RRBP1: variants seen among roughly 807,000 people sequenced by gnomAD.
RRBP1 encodes the protein ribosome-binding protein 1.
In RRBP1, 94 loss-of-function variants were observed where a neutral mutation model predicts 165.2. The ratio of observed to expected loss-of-function variants is 0.57; its 90% CI spans 0.48 to 0.68. The LOEUF is 0.68. Ranked by LOEUF, RRBP1 falls within the 30% of genes least tolerant of loss-of-function variation. RRBP1 has a pLI of 0.00. For synonymous variants in RRBP1, 680 were observed against 714.5 expected, an observed-to-expected ratio of 0.95 and a Z score of 0.77; for missense variants, 1,676 against 1,763.0, an observed-to-expected ratio of 0.95 and a Z score of 0.88.
chr20:17,638,854 G>A (rs1025690922), intron 5 of RRBP1, among the ~76,000 whole-genome samples: 15 of 152,044 alleles, frequency 9.9e-5, no homozygotes, highest in Admixed American at 3.9e-4. Flanking sequence ...TAAGCTTTGA[G>A]GACTGTAGAG....
intron 2 of RRBP1, among the ~76,000 whole-genome samples, chr20:17,671,418 C>A (rs990329213): frequency 2.6e-5 from 4 of 152,186 alleles, no homozygotes; most frequent in African/African-American, 9.7e-5. Flanking sequence ...CTTCAATGAT[C>A]TGCTCGCCCC....
intron 17 of RRBP1, 32 bp from the exon 18 acceptor site, chr20:17,620,402 C>A: frequency 6.3e-7 from 1 of 1,582,090 alleles, no homozygotes; most frequent in Non-Finnish European, 8.7e-7. Context: ...CCGTCAGACA[C>A]GAGCACCTGG....
intron 2 of RRBP1, among the ~76,000 whole-genome samples, chr20:17,668,312 A>T (rs186757615): frequency 1.2e-3 from 182 of 152,300 alleles, no homozygotes; most frequent in Non-Finnish European, 1.9e-3. Flanking sequence ...CCAGCTCTAT[A>T]ATCAGTCCTT....
At chr20:17,618,785 C>G in intron 19 of RRBP1, 106 bp from the exon 20 acceptor site, 1 of 837,018 alleles carries the variant, frequency 1.2e-6, no homozygotes, top group South Asian at 1.4e-5. Context: ...ATCCACTTAA[C>G]CAAAACCCTG....
At chr20:17,654,138 C>T (rs904506397) in intron 3 of RRBP1, among the ~76,000 whole-genome samples, 1 of 152,214 alleles carries the variant, frequency 6.6e-6, no homozygotes. Flanking sequence ...GGGCCGTCCA[C>T]GTAACATAGA....
rs765107100 is a variant in RRBP1 at position 17,658,939 on chromosome 20, TTCTG to T, written c.1565_1568del (p.Thr522LysfsTer38). ...TTTCTGCCTTTTTGCCCTGAGCCCC[TTCTG>T]TCTTTTTACCCTGATTCTGGGCTCC... On this transcript the variant is annotated frameshift_variant, in exon 3 of 25. Coordinates refer to ENST00000377813, the MANE Select transcript of RRBP1 (RefSeq NM_001365613.2). LOFTEE classifies it high-confidence loss of function. 2 of 1,612,780 alleles carry T rather than the reference TTCTG, an allele frequency of 1.2e-6. No individual in the cohort carries two copies. The highest frequency in any genetic ancestry group is 8.5e-7 in the Non-Finnish European group (1 of 1,179,800).
intron 3 of RRBP1, among the ~76,000 whole-genome samples, chr20:17,644,270 T>C (rs1374411903): frequency 6.6e-6 from 1 of 152,164 alleles, no homozygotes; most frequent in Admixed American, 6.5e-5. Context: ...AAAATAACCA[T>C]GTTGACACCA....
chr20:17,656,068 G>GGGAGTGGCCCAAATCCACC (rs1197840497), intron 3 of RRBP1, among the ~76,000 whole-genome samples: 3 of 152,220 alleles, frequency 2.0e-5, no homozygotes, highest in African/African-American at 7.2e-5. Context: ...ACGGTGTCTG[G>GGGAGTGGCCCAAATCCACC]GGAGTGGCCC....
chr20:17,661,319 C>A (rs1238084295), intron 2 of RRBP1, among the ~76,000 whole-genome samples: 1 of 152,216 alleles, frequency 6.6e-6, no homozygotes, highest in Non-Finnish European at 1.5e-5. Context: ...ATGGAGCCTG[C>A]AATTTGCATG....
intron 3 of RRBP1, among the ~76,000 whole-genome samples, chr20:17,652,596 G>A (rs1235039281): frequency 3.9e-5 from 6 of 152,104 alleles, no homozygotes; most frequent in African/African-American, 1.4e-4. Context: ...TGTGTTTCTA[G>A]ATGCCCAGGG....
chr20:17,681,132 C>T (rs892146523), intron 1 of RRBP1, among the ~76,000 whole-genome samples: 6 of 151,204 alleles, frequency 4.0e-5, no homozygotes, highest in African/African-American at 1.5e-4. Flanking sequence ...TGCCAGCGCG[C>T]TTGGCCGGCC....
chr20:17,645,274 CCA>C (rs1182769369), intron 3 of RRBP1, among the ~76,000 whole-genome samples: 3 of 152,240 alleles, frequency 2.0e-5, no homozygotes, highest in Admixed American at 6.5e-5. Context: ...CAGGCTCAGT[CCA>C]CAGAGTGCTC....
Position 17,663,008 on chromosome 20 carries a change from T to C in RRBP1, c.-21-2480A>G, listed in dbSNP as rs76314766. Among the ~76,000 whole-genome samples the C allele has an allele frequency of 1.1e-3, 168 of 152,214 alleles. 1 individual carries two copies. The highest frequency in any genetic ancestry group is 6.8e-3 in the Middle Eastern group (2 of 294). On this transcript the variant is annotated intron_variant, in intron 2 of 24. Transcript: ENST00000377813. ...CCAGGCAACATAGTGAGACCCCATC[T>C]CTATTTAAAAAAAAATAAAAAATCC...
At chr20:17,619,459 C>A (rs548959530) in intron 19 of RRBP1, 174 bp downstream of exon 19, 1 of 516,190 alleles carries the variant, frequency 1.9e-6, no homozygotes, top group Non-Finnish European at 3.4e-6. Flanking sequence ...CTGAGAGACA[C>A]CTCAGGCCTG....
Position 17,659,931 on chromosome 20 carries a change from C to T in RRBP1, c.577G>A (p.Ala193Thr), listed in dbSNP as rs1304836328. The T allele has an allele frequency of 6.3e-7, 1 of 1,577,240 alleles. No homozygotes were observed. Among genetic ancestry groups the T allele is most frequent in the Non-Finnish European group, 8.6e-7 (1 of 1,160,398 alleles). ...PPVGAKGNTP[A>T]TGTTQGKKAE... The stretch of plus-strand genomic sequence containing the variant: ...TTTTTGCCCTGAGTAGTGCCAGTGG[C>T]TGGTGTGTTGCCCTTGGCACCCACT... The change falls in exon 3 of 25, where the codon GCC becomes ACC. Residue 193 changes from alanine to threonine, a missense_variant. Transcript: ENST00000377813.
intron 8 of RRBP1, among the ~76,000 whole-genome samples, chr20:17,632,821 TG>T (rs1263503438): frequency 6.6e-6 from 1 of 152,190 alleles, no homozygotes; most frequent in Non-Finnish European, 1.5e-5. Flanking sequence ...GAAAACATGC[TG>T]CATGCTGCCC....
intron 2 of RRBP1, among the ~76,000 whole-genome samples, chr20:17,668,866 T>C (rs533321395): frequency 2.6e-4 from 39 of 152,132 alleles, no homozygotes; most frequent in African/African-American, 8.9e-4. Context: ...CGCTGCAACC[T>C]TGGCTTATGA....
At position 17,653,533 on chromosome 20, in the gene RRBP1, C is replaced by T. The variant is rs117168376; in HGVS notation, c.1912+5063G>A. Among the ~76,000 whole-genome samples the T allele has an allele frequency of 1.5e-3, 224 of 152,338 alleles. 7 individuals carry two copies. The East Asian group carries it at 0.036, about 24-fold the overall frequency. ...ATGAGACCAATACATACAGATCACA[C>T]GCCAAGAACAGCCTGGCCCTGGCCA... On this transcript the variant is annotated intron_variant, in intron 3 of 24. Transcript: ENST00000377813.
chr20:17,652,106 A>G (rs539337479), intron 3 of RRBP1, among the ~76,000 whole-genome samples: 2 of 152,352 alleles, frequency 1.3e-5, no homozygotes, highest in African/African-American at 4.8e-5. Flanking sequence ...TGGGCCAGCC[A>G]CAGCCTCTGT....
Sources: gnomAD v4.1 joint callset for allele counts (sites outside exome capture counted in the v4.1 genomes callset) on GRCh38, gnomAD v4.1.1 for gene constraint, MANE v1.5 for transcripts, NCBI Gene and HGNC (gene_info 2026-07-23, HGNC 2026-07-21) for gene names.